Variants in TTN observed in about 807,000 individuals in gnomAD.
The protein encoded by TTN is connectin.
Under a neutral mutation model 3,223.0 loss-of-function variants are expected in TTN, and 1,525 were observed. The ratio of observed to expected loss-of-function variants is 0.47; its 90% confidence interval spans 0.45 to 0.49. The LOEUF is 0.49. Among genes scored for constraint, TTN ranks in the 20% least tolerant of loss-of-function variants. The pLI is 0.00. For missense variants in TTN, 40,786 were observed against 43,424.0 expected, an observed-to-expected ratio of 0.94 and a Z score of 5.40; for synonymous variants, 14,094 against 15,161.0, an observed-to-expected ratio of 0.93 and a Z score of 5.17.
intron 47 of TTN, chr2:178,746,469 C>A (rs2154324142): frequency 6.2e-7 from 1 of 1,612,456 alleles, no homozygotes; most frequent in Non-Finnish European, 8.5e-7. Context: ...ACTTCCAGGA[C>A]AATTTCTTGA....
In TTN at chr2:178,608,926, A is replaced by G. The variant is rs754635996; in HGVS notation, c.52103-18T>C. On this transcript the variant is annotated intron_variant, in intron 273 of 362. Coordinates refer to ENST00000589042, the MANE Select transcript of TTN (RefSeq NM_001267550.2). ...CGGTGTATCTAATATTTCAGAAGAG[A>G]ACAGTAATCAAAAATTTGTGTGGGA... 2 of 1,593,950 alleles carry G rather than the reference A, an allele frequency of 1.3e-6. No homozygotes were observed. The highest frequency in any genetic ancestry group is 1.7e-6 in the Non-Finnish European group (2 of 1,175,428).
At position 178,646,107 on chromosome 2, in the gene TTN, TATATATATATA is replaced by T. The variant is rs1560056191; in HGVS notation, c.40298-88_40298-78del. ...TATGTAGTATATTTAATAGAAATTA[TATATATATATA>T]TATATATATATATATATATATATAT... On this transcript the variant is annotated intron_variant, in intron 216 of 362. Transcript: ENST00000589042. The T allele has an allele frequency of 1.3e-3, 107 of 85,284 alleles. 4 individuals carry two copies. The South Asian group carries it at 0.022, about 18-fold the overall frequency. The allele number at this position is 85,284 out of a possible 1,614,324, so 5.3% of individuals were successfully genotyped here.
At position 178,664,088 on chromosome 2, in the gene TTN, A is replaced by G. The variant is rs773466657; in HGVS notation, c.36291T>C (p.Ala12097=). 11 of 1,610,946 alleles carry G rather than the reference A, an allele frequency of 6.8e-6. No homozygotes were observed. In the East Asian group the frequency reaches 2.2e-4, roughly 33 times the overall value. ...AEVVPVKVHE[A]PKEIIPEKKV... ...TCTTTTCAGGGATAATCTCTTTGGG[A>G]GCTTCGTGCACTTGAAAGATATTAG... Residue 12097 remains alanine (A), a synonymous_variant, in exon 169 of 363, where the codon GCT becomes GCC. Coordinates refer to ENST00000589042, the MANE Select transcript of TTN (RefSeq NM_001267550.2).
At position 178,585,283 on chromosome 2, in the gene TTN, T is replaced by A. The variant is rs2048679694; in HGVS notation, c.64461A>T (p.Glu21487Asp). The change falls in exon 309 of 363, where the codon GAA (glutamate) becomes GAT (aspartate). Residue 21487 changes from glutamate (E) to aspartate (D), a missense_variant. Transcript: ENST00000589042. ...TIKAGKKLRI[E>D]AHVYGKPHPT... The stretch of plus-strand genomic sequence containing the variant: ...GATGAGGCTTTCCATACACATGGGC[T>A]TCAATTCGGAGTTTTTTCCCAGCTT... The A allele has an allele frequency of 1.2e-6, 2 of 1,612,030 alleles. No homozygotes were observed. Among genetic ancestry groups the A allele is most frequent in the South Asian group, 1.1e-5 (1 of 90,728 alleles).
At chr2:178,706,424 T>A (rs772073594) in intron 102 of TTN, 30 bp downstream of exon 102, 2 of 1,573,034 alleles carry the variant, frequency 1.3e-6, no homozygotes, top group Non-Finnish European at 1.7e-6. Context: ...GAGGGCTGAT[T>A]GTACGATTTG....
In TTN at chr2:178,532,532, G is replaced by A. The variant is rs1406845662; in HGVS notation, c.104083C>T (p.Pro34695Ser). ...EELELGFSAS[P>S]PSRSPPHFEL... Reference sequence around the variant, plus strand: ...AAGTGTGGAGGGCTTCGACTTGGGGGTGAAGCTGAAAAACCTAACTCAAGC... The same window carrying A: ...AAGTGTGGAGGGCTTCGACTTGGGGATGAAGCTGAAAAACCTAACTCAAGC... The change falls in exon 358 of 363, where the codon CCC (proline) becomes TCC (serine). Residue 34695 changes from proline (P) to serine (S), a missense_variant. Coordinates refer to ENST00000589042, the MANE Select transcript of TTN (RefSeq NM_001267550.2). The A allele has an allele frequency of 3.7e-6, 6 of 1,613,868 alleles. No individual in the cohort carries two copies. The highest frequency in any genetic ancestry group is 5.1e-6 in the Non-Finnish European group (6 of 1,179,872).
chr2:178,724,194 A>C, intron 72 of TTN, 51 bp from the exon 73 acceptor site: 2 of 1,582,134 alleles, frequency 1.3e-6, no homozygotes, highest in Non-Finnish European at 1.7e-6. Context: ...AATAGAAGAG[A>C]CTTGAAAGAA....
rs1443927165 is a variant in TTN, at chr2:178,730,538, G to A, written c.17995C>T (p.His5999Tyr). The A allele has an allele frequency of 6.2e-7, 1 of 1,613,236 alleles. No homozygotes were observed. Among genetic ancestry groups the A allele is most frequent in the South Asian group, 1.1e-5 (1 of 91,040 alleles). ...YTCSATNKAG[H>Y]NQCSGHLTVK... ...GTCAGATGCCCACTGCATTGGTTGT[G>A]CCCTGCCTTATTTGTGGCAGAACAA... is the stretch of plus-strand genomic sequence containing the variant. Residue 5999 changes from histidine (H) to tyrosine (Y), a missense_variant, in exon 61 of 363, where the codon CAC (histidine) becomes TAC (tyrosine). Transcript: ENST00000589042.
At chr2:178,596,610 GT>G (rs1168277704) in intron 294 of TTN, among the ~76,000 whole-genome samples, 1 of 152,078 alleles carries the variant, frequency 6.6e-6, no homozygotes, top group Non-Finnish European at 1.5e-5. Flanking sequence ...AAATGTACCA[GT>G]TCTCAAATTA....
At position 178,573,983 on chromosome 2, in the gene TTN, T is replaced by C. The variant is rs771209223; in HGVS notation, c.72149A>G (p.Glu24050Gly). ...ILKAGEAFRLEADVSGRPPPT... is the reference protein window; with the variant it reads ...ILKAGEAFRLGADVSGRPPPT... ...AGGTGGGCGGCCTGAAACATCAGCT[T>C]CCAGTCTGAATGCTTCACCTGCTTT... The change falls in exon 326 of 363, where the codon GAA becomes GGA. Residue 24050 changes from glutamate (E) to glycine (G), a missense_variant. Coordinates refer to ENST00000589042, the MANE Select transcript of TTN (RefSeq NM_001267550.2). 55 of 1,613,306 alleles carry C rather than the reference T, an allele frequency of 3.4e-5. 1 individual carries two copies. In the South Asian group the frequency reaches 5.6e-4, roughly 16 times the overall value.
In TTN at chr2:178,630,803, C is replaced by T; in HGVS notation, c.44154+1G>A. On this transcript the variant is annotated splice_donor_variant, in intron 238 of 362. Transcript: ENST00000589042. LOFTEE classifies it high-confidence loss of function. Reference sequence around the variant, plus strand: ...GTTGACAAGTTCAGAAATAGCCTTACAGGTGTTTGGAGTAGGGCCTCTCCC... The same window carrying T: ...GTTGACAAGTTCAGAAATAGCCTTATAGGTGTTTGGAGTAGGGCCTCTCCC... 6.2e-7 allele frequency: 1 copy of T among 1,611,116 alleles called. No individual in the cohort carries two copies. Among genetic ancestry groups the T allele is most frequent in the Non-Finnish European group, 8.5e-7 (1 of 1,178,618 alleles).
chr2:178,609,800 G>C lies in TTN; in HGVS notation c.51623C>G (p.Thr17208Arg). ...TTTCCCCTCTTCAAGTCCTTTTGCT[G>C]TATAGGTCAGGATTGGTACCAGGTG... ...NEHLVPILTY[T>R]AKGLEEGKEY... Residue 17208 changes from threonine to arginine, a missense_variant, in exon 272 of 363, where the codon ACA becomes AGA. By Grantham distance (71) the Thr-to-Arg change is moderately conservative. Transcript: ENST00000589042. 6.2e-7 allele frequency: 1 copy of C among 1,612,860 alleles called. No homozygotes were observed. The highest frequency in any genetic ancestry group is 8.5e-7 in the Non-Finnish European group (1 of 1,179,212).
chr2:178,684,606 C>T lies in TTN; in HGVS notation c.32638+60G>A, dbSNP rs182002560. 391 of 1,534,398 alleles carry T rather than the reference C, an allele frequency of 2.5e-4. 1 individual carries two copies. In the African/African-American group the frequency reaches 5.1e-3, roughly 20 times the overall value. ...AACAGTATGACCCAAAGAACAGCAG[C>T]AGAGAGAAAGAAAGACAAGCCATAT... is the stretch of plus-strand genomic sequence containing the variant. On this transcript the variant is annotated intron_variant, in intron 131 of 362. Transcript: ENST00000589042.
chr2:178,684,298 C>A (rs1366276602), intron 132 of TTN, 32 bp downstream of exon 132: 1 of 1,606,130 alleles, frequency 6.2e-7, no homozygotes, highest in South Asian at 1.1e-5. Flanking sequence ...AGGGCAAGTA[C>A]AATATTGTGC....
Position 178,609,015 on chromosome 2 carries a change from A to G in TTN, c.52103-107T>C, listed in dbSNP as rs1324870498. 12 of 1,420,898 alleles carry G rather than the reference A, an allele frequency of 8.4e-6. 1 individual carries two copies. Among genetic ancestry groups the G allele is most frequent in the Non-Finnish European group, 1.0e-5 (11 of 1,056,466 alleles). 88.0% of individuals were successfully genotyped at this position (1,420,898 alleles called of 1,614,324 possible). A position where few individuals can be genotyped will look rare whatever the true frequency, so the allele number is the denominator to read the frequency against. ...CTGACATGATTTGTGGTTTTCCCAC[A>G]TCTATCTTTGTATTCCATTAGCTAA... is the stretch of plus-strand genomic sequence containing the variant. On this transcript the variant is annotated intron_variant, in intron 273 of 362. Coordinates refer to ENST00000589042, the MANE Select transcript of TTN (RefSeq NM_001267550.2).
At chr2:178,750,807 A>G (rs750769174) in intron 47 of TTN, 1 of 1,613,168 alleles carries the variant, frequency 6.2e-7, no homozygotes, top group East Asian at 2.2e-5. Flanking sequence ...GGAGTCTCAT[A>G]TACTTCCTCC....
In TTN at chr2:178,579,341, T is replaced by C. The variant is rs768909668; in HGVS notation, c.67689A>G (p.Lys22563=). 6.2e-7 allele frequency: 1 copy of C among 1,604,864 alleles called. No homozygotes were observed. The highest frequency in any genetic ancestry group is 2.2e-5 in the East Asian group (1 of 44,640). ...TCTTAAGCCGGAAGTTGCTGTTTTC[T>C]TTAGCCAAGTAGCACAAATCAGGTA... ...KGLPDLCYLA[K]ENSNFRLKIP... Residue 22563 remains lysine, a synonymous_variant, in exon 320 of 363, where the codon AAA becomes AAG. Coordinates refer to ENST00000589042, the MANE Select transcript of TTN (RefSeq NM_001267550.2).
At position 178,574,715 on chromosome 2, in the gene TTN, C is replaced by A; in HGVS notation, c.71417G>T (p.Arg23806Ile). 6.2e-7 allele frequency: 1 copy of A among 1,613,274 alleles called. No individual in the cohort carries two copies. The highest frequency in any genetic ancestry group is 8.5e-7 in the Non-Finnish European group (1 of 1,179,552). Residue 23806 changes from arginine to isoleucine, a missense_variant, in exon 326 of 363, where the codon AGA (arginine) becomes ATA (isoleucine). Arg to Ile is a moderately conservative substitution (Grantham distance 97, BLOSUM62 -3). Coordinates refer to ENST00000589042, the MANE Select transcript of TTN (RefSeq NM_001267550.2). ...TGTGATGCCTGGTCCAACTCCATAT[C>A]TATTCTGAGCTTTTACACGGAACTG... ...EYQFRVKAQN[R>I]YGVGPGITSA...
chr2:178,796,714 G>C (rs2093788591), intron 6 of TTN, among the ~76,000 whole-genome samples: 1 of 152,108 alleles, frequency 6.6e-6, no homozygotes, highest in African/African-American at 2.4e-5. Context: ...CTTAGTAAAT[G>C]GGTTTAATTC....
Sources: gnomAD v4.1 joint callset for allele counts (sites outside exome capture counted in the v4.1 genomes callset) on GRCh38, gnomAD v4.1.1 for gene constraint, MANE v1.5 for transcripts, NCBI Gene and HGNC (gene_info 2026-07-23, HGNC 2026-07-21) for gene names.